ATM: variants seen among roughly 807,000 people sequenced by gnomAD.
ATM encodes the protein serine-protein kinase ATM.
In ATM, 308 loss-of-function variants were observed where a neutral mutation model predicts 387.0. That is an observed-to-expected ratio of 0.80 (90% CI 0.73 to 0.87). The LOEUF (loss-of-function observed/expected upper bound fraction) is 0.87. Ranked by LOEUF, ATM falls within the 40% of genes least tolerant of loss-of-function variation. The pLI is 0.00. For missense variants in ATM, 3,312 were observed against 3,560.9 expected (o/e 0.93, Z 1.78); for synonymous variants, 1,156 against 1,187.3 (o/e 0.97, Z 0.54).
chr11:108,354,078 C>CAT (rs972768528), intron 60 of ATM, among the ~76,000 whole-genome samples, 198 bp downstream of exon 60: 27 of 149,434 alleles, frequency 1.8e-4, no homozygotes, highest in Middle Eastern at 3.4e-3. Context: ...CAAACACACA[C>CAT]ACACACACAC....
intron 34 of ATM, 140 bp downstream of exon 34, chr11:108,300,025 T>G (rs1280382709): frequency 2.4e-6 from 2 of 819,938 alleles, no homozygotes; most frequent in East Asian, 5.5e-5. Flanking sequence ...TCTTATATTT[T>G]TATTAATTCA....
chr11:108,334,857 C>T lies in ATM; in HGVS notation c.8011-112C>T, dbSNP rs977911239. 12 of 1,296,720 alleles carry T rather than the reference C, an allele frequency of 9.3e-6. No individual in the cohort carries two copies. The Admixed American group carries it at 1.9e-4, about 20-fold the overall frequency. 80.3% of individuals were successfully genotyped at this position (1,296,720 alleles called of 1,614,324 possible). ...AAGTTGTAGTTCTTAACCACTATCA[C>T]ATCGTCATTTGTTTCTCTGTTTAAT... On this transcript the variant is annotated intron_variant, in intron 54 of 62. Transcript: ENST00000675843.
In ATM at chr11:108,275,942, C is replaced by A. The variant is rs117015713; in HGVS notation, c.3284+3090C>A. ...TAGATTGGGGAAGTTCTGATAATAT[C>A]CTGAAGGGTGTTTCCAACTTGGTTC... On this transcript the variant is annotated intron_variant, in intron 22 of 62. Coordinates refer to ENST00000675843, the MANE Select transcript of ATM (RefSeq NM_000051.4). Among the ~76,000 whole-genome samples the A allele has an allele frequency of 1.9e-3, 290 of 152,232 alleles. 1 individual carries two copies. The highest frequency in any genetic ancestry group is 3.2e-3 in the Non-Finnish European group (217 of 68,014).
At chr11:108,251,314 AATTG>A (rs1244069841) in intron 10 of ATM, among the ~76,000 whole-genome samples, 2 of 152,186 alleles carry the variant, frequency 1.3e-5, no homozygotes, top group African/African-American at 4.8e-5. Context: ...AAAAATTTTT[AATTG>A]ATCTATAATA....
intron 5 of ATM, among the ~76,000 whole-genome samples, chr11:108,241,362 A>G (rs2079548055): frequency 1.3e-5 from 2 of 152,188 alleles, no homozygotes; most frequent in South Asian, 4.1e-4. Context: ...TAAACCTAAC[A>G]TTTTACCAGT....
chr11:108,308,925 C>A lies in ATM; in HGVS notation c.5762+941C>A, dbSNP rs1414613099. ...TAATGTAGTGGAGAGCATTTGTTTT[C>A]TTGGTGTTGGGAGGCAGTTTTACCT... On this transcript the variant is annotated intron_variant, in intron 38 of 62. Coordinates refer to ENST00000675843, the MANE Select transcript of ATM (RefSeq NM_000051.4). The A allele has an allele frequency of 3.5e-6, 4 of 1,150,176 alleles. No individual in the cohort carries two copies. In the African/African-American group the frequency reaches 4.6e-5, roughly 13 times the overall value. 71.2% of individuals were successfully genotyped at this position (1,150,176 alleles called of 1,614,324 possible). A position where few individuals can be genotyped will look rare whatever the true frequency, so the allele number is the denominator to read the frequency against.
intron 56 of ATM, among the ~76,000 whole-genome samples, chr11:108,337,793 T>C (rs1197472884): frequency 6.6e-6 from 1 of 152,246 alleles, no homozygotes; most frequent in Non-Finnish European, 1.5e-5. Flanking sequence ...TACCAAACTT[T>C]TAGATGACAA....
At chr11:108,361,053 G>A (rs1591361730) in intron 61 of ATM, among the ~76,000 whole-genome samples, 1 of 108,938 alleles carries the variant, frequency 9.2e-6, no homozygotes, top group East Asian at 2.4e-4. Context: ...AAACCCCACT[G>A]TCTCAGCCCA....
At chr11:108,346,419 A>G (rs971296866) in intron 58 of ATM, 1 of 153,190 alleles carries the variant, frequency 6.5e-6, no homozygotes, top group Non-Finnish European at 1.5e-5. Context: ...AAGAAATTAG[A>G]ATAGGTAGAT....
chr11:108,323,726 A>G (rs535304318), intron 45 of ATM, among the ~76,000 whole-genome samples: 1 of 152,332 alleles, frequency 6.6e-6, no homozygotes, highest in South Asian at 2.1e-4. Context: ...AGAAACACCT[A>G]AAGAATAATC....
chr11:108,355,070 C>T, intron 61 of ATM, 196 bp downstream of exon 61: 1 of 583,918 alleles, frequency 1.7e-6, no homozygotes. Context: ...CCTTCAGCCC[C>T]CTTGAGTTTC....
chr11:108,295,604 T>C (rs1445375711), intron 32 of ATM: 1 of 156,324 alleles, frequency 6.4e-6, no homozygotes, highest in Non-Finnish European at 1.4e-5. Context: ...CACAAAGCAT[T>C]GGGATTAGAG....
chr11:108,281,790 A>C lies in ATM; in HGVS notation c.3576+622A>C, dbSNP rs571297199. 7.9e-5 allele frequency among the ~76,000 whole-genome samples: 12 copies of C among 152,260 alleles called. No individual in the cohort carries two copies. The East Asian group carries it at 2.1e-3, about 27-fold the overall frequency. ...TTAACATTCTACCAGCATAGTTTCC[A>C]TGGTGCTTTGGAGTAAGCCAGCCTA... is the stretch of plus-strand genomic sequence containing the variant. On this transcript the variant is annotated intron_variant, in intron 24 of 62. Transcript: ENST00000675843.
At position 108,317,539 on chromosome 11, in the gene ATM, A is replaced by AC; in HGVS notation, c.6347+18_6347+19insC. The AC allele has an allele frequency of 2.3e-6, 3 of 1,318,260 alleles. No homozygotes were observed. The highest frequency in any genetic ancestry group is 3.1e-6 in the Non-Finnish European group (3 of 963,552). 81.7% of individuals were successfully genotyped at this position (1,318,260 alleles called of 1,614,324 possible). A position where few individuals can be genotyped will look rare whatever the true frequency, so the allele number is the denominator to read the frequency against. On this transcript the variant is annotated intron_variant, in intron 43 of 62. Coordinates refer to ENST00000675843, the MANE Select transcript of ATM (RefSeq NM_000051.4). Reference sequence around the variant, plus strand: ...TCCGTCAGGTAAGAAATTTGACTTGATTTTTTTTTTTTTGCCTCTCTCCTC... The same window carrying AC: ...TCCGTCAGGTAAGAAATTTGACTTGACTTTTTTTTTTTTTGCCTCTCTCCTC...
At chr11:108,360,201 A>C (rs1458543523) in intron 61 of ATM, among the ~76,000 whole-genome samples, 72 of 140,576 alleles carry the variant, frequency 5.1e-4, no homozygotes, top group African/African-American at 6.6e-4. Context: ...TCTAGAAGAA[A>C]TGGATAAATT....
At chr11:108,271,211 A>G (rs2135550355) in intron 19 of ATM, 40 bp from the exon 20 acceptor site, 3 of 1,613,032 alleles carry the variant, frequency 1.9e-6, no homozygotes, top group Non-Finnish European at 2.5e-6. Context: ...GTGTTCTGTT[A>G]AGCTTATAAA....
chr11:108,331,410 GT>G, intron 50 of ATM, 33 bp from the exon 51 acceptor site: 1 of 1,599,322 alleles, frequency 6.3e-7, no homozygotes, highest in East Asian at 2.3e-5. Flanking sequence ...GAAATACCTT[GT>G]TTCTTAATTT....
At chr11:108,285,276 TTA>T (rs2082433952) in intron 26 of ATM, among the ~76,000 whole-genome samples, 1 of 151,928 alleles carries the variant, frequency 6.6e-6, no homozygotes, top group African/African-American at 2.4e-5. Flanking sequence ...TACTTTTGAA[TTA>T]TGTTTATTAT....
In ATM at chr11:108,335,068, T is replaced by C. The variant is rs1591192055; in HGVS notation, c.8110T>C (p.Cys2704Arg). The change falls in exon 55 of 63, where the codon TGT (cysteine) becomes CGT (arginine). Residue 2704 changes from cysteine to arginine, a missense_variant. Coordinates refer to ENST00000675843, the MANE Select transcript of ATM (RefSeq NM_000051.4). The part of the protein sequence containing the change: ...GGVNLPKIID[C>R]VGSDGKERRQ... ...TGTAAATTTACCAAAAATAATAGAT[T>C]GTGTAGGTTCCGATGGCAAGGAGAG... 6.2e-7 allele frequency: 1 copy of C among 1,614,098 alleles called. No individual in the cohort carries two copies. The highest frequency in any genetic ancestry group is 1.1e-5 in the South Asian group (1 of 91,084).
Sources: allele counts gnomAD v4.1 joint callset (sites outside exome capture counted in the v4.1 genomes callset), GRCh38; gene constraint gnomAD v4.1.1; transcripts MANE v1.5; gene names NCBI Gene and HGNC (gene_info 2026-07-23, HGNC 2026-07-21).